GFPT2: variants seen among roughly 807,000 people sequenced by gnomAD.
GFPT2 encodes glutamine--fructose-6-phosphate transaminase 2, also known as glutamine--fructose-6-phosphate aminotransferase [isomerizing] 2.
In GFPT2, 62 loss-of-function variants were observed where a neutral mutation model predicts 85.6. The ratio of observed to expected loss-of-function variants is 0.72; its 90% CI spans 0.59 to 0.90. The LOEUF (loss-of-function observed/expected upper bound fraction) is 0.90, where lower values mean the gene tolerates loss of function less well. Ranked by LOEUF, GFPT2 falls within the 40% of genes least tolerant of loss-of-function variation. GFPT2 has a pLI of 0.00. For missense variants in GFPT2, 788 were observed against 893.4 expected (o/e 0.88, Z 1.50); for synonymous variants, 368 against 344.5 (o/e 1.07, Z -0.75).
At chr5:180,325,040 G>A (rs1330826600) in intron 7 of GFPT2, 145 bp from the exon 8 acceptor site, 3 of 645,734 alleles carry the variant, frequency 4.6e-6, no homozygotes, top group Non-Finnish European at 8.3e-6. Context: ...ACGGACGCCT[G>A]GAGCACAGGA....
chr5:180,351,261 T>C (rs1315368797), intron 1 of GFPT2, among the ~76,000 whole-genome samples: 1 of 152,224 alleles, frequency 6.6e-6, no homozygotes, highest in Non-Finnish European at 1.5e-5. Context: ...GAGCCAGGAA[T>C]GGCTTCCCCT....
chr5:180,328,199 A>C lies in GFPT2; in HGVS notation c.596+78T>G. The stretch of plus-strand genomic sequence containing the variant: ...CACCTTTCAGCGTGCCACAGGCCCT[A>C]CCTCTCCCGTCTCCCTCCAGCTAAG... On this transcript the variant is annotated intron_variant, in intron 7 of 18. Coordinates refer to ENST00000253778, the MANE Select transcript of GFPT2 (RefSeq NM_005110.4). This position sits in a 1 kb window ranked among gnomAD's most constrained non-coding sequence, Gnocchi z 5.4. 9.1e-7 allele frequency: 1 copy of C among 1,104,010 alleles called. No homozygotes were observed. The highest frequency in any genetic ancestry group is 1.3e-5 in the South Asian group (1 of 79,674). The allele number at this position is 1,104,010 out of a possible 1,614,324, so 68.4% of individuals were successfully genotyped here. A position where few individuals can be genotyped will look rare whatever the true frequency, so the allele number is the denominator to read the frequency against.
At chr5:180,302,617 C>G in intron 17 of GFPT2, 33 bp from the exon 18 acceptor site, 1 of 1,573,718 alleles carries the variant, frequency 6.4e-7, no homozygotes, top group Non-Finnish European at 8.7e-7. Flanking sequence ...TAAAATAGAC[C>G]CTCTCTGAAA....
intron 9 of GFPT2, 89 bp from the exon 10 acceptor site, chr5:180,319,045 A>G (rs1764069347): frequency 3.2e-6 from 4 of 1,244,572 alleles, no homozygotes; most frequent in Non-Finnish European, 4.6e-6. Context: ...CGTGGAGGCC[A>G]CATCGTTGGC....
intron 3 of GFPT2, 140 bp downstream of exon 3, chr5:180,336,339 T>A: frequency 1.4e-6 from 1 of 702,642 alleles, no homozygotes; most frequent in South Asian, 1.7e-5. Flanking sequence ...AGCCCGGTTT[T>A]ACAGCACGGG....
chr5:180,311,606 T>C (rs558019822), intron 15 of GFPT2, among the ~76,000 whole-genome samples: 46 of 152,320 alleles, frequency 3.0e-4, no homozygotes, highest in Middle Eastern at 3.4e-3. Flanking sequence ...ACTGTATGCC[T>C]GCCCTGTGCT....
rs576357842 is a variant in GFPT2, at chr5:180,321,182, TA to T, written c.795-2227del. On this transcript the variant is annotated intron_variant, in intron 9 of 18. Coordinates refer to ENST00000253778, the MANE Select transcript of GFPT2 (RefSeq NM_005110.4). ...TTATACAAAATTTTGTATAGAAATA[TA>T]TTTTTTTGTATAAAAAGTAGAAACA... 3.2e-4 allele frequency among the ~76,000 whole-genome samples: 48 copies of T among 151,098 alleles called. 1 individual carries two copies. The South Asian group carries it at 9.1e-3, about 29-fold the overall frequency.
In GFPT2 at chr5:180,328,071, CTTT is replaced by C. The variant is rs78612231; in HGVS notation, c.596+203_596+205del. On this transcript the variant is annotated intron_variant, in intron 7 of 18. Coordinates refer to ENST00000253778, the MANE Select transcript of GFPT2 (RefSeq NM_005110.4). The surrounding 1 kb of genome is among the most constrained non-coding windows in gnomAD (Gnocchi z 5.4). ...AAACACAAATCCAACTTTCTGGTTTCTTTTTTTTTTTTTTTAATTCAGAAGTGT... is the reference window on the plus strand; with the variant it reads ...AAACACAAATCCAACTTTCTGGTTTCTTTTTTTTTTTTAATTCAGAAGTGT... Among the ~76,000 whole-genome samples, 3 of 143,238 alleles carry C rather than the reference CTTT, an allele frequency of 2.1e-5. No individual in the cohort carries two copies. The highest frequency in any genetic ancestry group is 3.1e-5 in the Non-Finnish European group (2 of 65,446). The allele number at this position is 143,238 out of a possible 152,430, so 94.0% of individuals were successfully genotyped here.
Position 180,318,758 on chromosome 5 carries a change from G to A in GFPT2, c.958+35C>T, listed in dbSNP as rs372581942. 10 of 1,596,122 alleles carry A rather than the reference G, an allele frequency of 6.3e-6. No individual in the cohort carries two copies. Among genetic ancestry groups the A allele is most frequent in the African/African-American group, 1.3e-5 (1 of 74,552 alleles). ...AGCTCCACCAGGCGCGCTGGCTCCC[G>A]AGGCTGCCGCACGTGGACTCTGGAG... On this transcript the variant is annotated intron_variant, in intron 10 of 18. Coordinates refer to ENST00000253778, the MANE Select transcript of GFPT2 (RefSeq NM_005110.4). This position sits in a 1 kb window ranked among gnomAD's most constrained non-coding sequence, Gnocchi z 4.2.
chr5:180,331,542 TGAC>T lies in GFPT2; in HGVS notation c.349_351del (p.Val117del). 6.3e-7 allele frequency: 1 copy of T among 1,580,332 alleles called. No individual in the cohort carries two copies. Among genetic ancestry groups the T allele is most frequent in the Non-Finnish European group, 8.7e-7 (1 of 1,149,094 alleles). ...TAATTTGTGATGATCCCATTGTGGA[TGAC>T]AACAAATTCTGAAAGAAAAGTTAAG... is the stretch of plus-strand genomic sequence containing the variant. On this transcript the variant is annotated inframe_deletion, in exon 5 of 19. Coordinates refer to ENST00000253778, the MANE Select transcript of GFPT2 (RefSeq NM_005110.4).
chr5:180,336,292 C>T (rs145082231), intron 3 of GFPT2, 187 bp downstream of exon 3: 43 of 625,330 alleles, frequency 6.9e-5, no homozygotes, highest in South Asian at 1.3e-4. Flanking sequence ...ATCCATGCGC[C>T]GCCACCACCT....
chr5:180,342,514 A>G (rs1764537755), intron 1 of GFPT2, among the ~76,000 whole-genome samples: 1 of 146,926 alleles, frequency 6.8e-6, no homozygotes, highest in Admixed American at 7.1e-5. Context: ...GGCCCAAGCT[A>G]TCCCCACAGC....
Position 180,301,400 on chromosome 5 carries a change from G to C in GFPT2, c.*164C>G. 1.5e-6 allele frequency: 1 copy of C among 670,468 alleles called. No individual in the cohort carries two copies. Among genetic ancestry groups the C allele is most frequent in the Non-Finnish European group, 2.7e-6 (1 of 369,706 alleles). 41.5% of individuals were successfully genotyped at this position (670,468 alleles called of 1,614,324 possible). ...AGGACACAGAGAAACAGTATCTGCT[G>C]TAAGCAAAAGCACTTGGGTAGAAGG... On this transcript the variant is annotated 3_prime_UTR_variant, in exon 19 of 19. Coordinates refer to ENST00000253778, the MANE Select transcript of GFPT2 (RefSeq NM_005110.4).
intron 4 of GFPT2, among the ~76,000 whole-genome samples, chr5:180,335,534 T>C (rs1233787882): frequency 6.6e-6 from 1 of 152,214 alleles, no homozygotes; most frequent in Non-Finnish European, 1.5e-5. Context: ...CGCGGCCTCA[T>C]CCCACTCATG....
intron 14 of GFPT2, among the ~76,000 whole-genome samples, chr5:180,313,180 G>C (rs1215785293): frequency 1.3e-5 from 2 of 152,122 alleles, no homozygotes. Context: ...GATTCCAGGG[G>C]GGAGCCCCGT....
intron 10 of GFPT2, 63 bp from the exon 11 acceptor site, chr5:180,317,121 G>A (rs1764026499): frequency 2.9e-6 from 3 of 1,049,886 alleles, no homozygotes; most frequent in South Asian, 2.5e-5. Flanking sequence ...TCATTATGCA[G>A]CAGCGATAGT....
At chr5:180,345,916 C>T (rs1236463587) in intron 1 of GFPT2, among the ~76,000 whole-genome samples, 1 of 152,110 alleles carries the variant, frequency 6.6e-6, no homozygotes, top group African/African-American at 2.4e-5. Context: ...GAGCACGGTG[C>T]CACCAGAACT....
At chr5:180,332,958 A>C (rs987447124) in intron 4 of GFPT2, among the ~76,000 whole-genome samples, 3 of 151,900 alleles carry the variant, frequency 2.0e-5, no homozygotes, top group African/African-American at 7.3e-5. Flanking sequence ...CTTTATTCTC[A>C]CCATGATTTC....
intron 16 of GFPT2, among the ~76,000 whole-genome samples, chr5:180,306,813 T>C (rs371196942): frequency 3.9e-5 from 6 of 152,218 alleles, no homozygotes; most frequent in African/African-American, 1.4e-4. Flanking sequence ...TGTTTCCTCC[T>C]GAATGAGGGT....
Sources: gnomAD v4.1 joint callset for allele counts (sites outside exome capture counted in the v4.1 genomes callset) on GRCh38, gnomAD v4.1.1 for gene constraint, Gnocchi (gnomAD v3.1) non-coding constraint, MANE v1.5 for transcripts, NCBI Gene and HGNC (gene_info 2026-07-23, HGNC 2026-07-21) for gene names.